Variants in ACOX2 observed in about 807,000 individuals in gnomAD.
ACOX2 encodes peroxisomal acyl-coenzyme A oxidase 2.
Under a neutral mutation model 77.5 loss-of-function variants are expected in ACOX2, and 59 were observed. The observed-to-expected ratio is 0.76, with a 90% confidence interval of 0.62 to 0.95. The LOEUF (loss-of-function observed/expected upper bound fraction) is 0.95, where lower values mean the gene tolerates loss of function less well. ACOX2 is among the 40% of genes least tolerant of loss of function. The pLI is 0.00. For missense variants in ACOX2, 837 were observed against 880.4 expected (o/e 0.95, Z 0.62); for synonymous variants, 317 against 340.1 (o/e 0.93, Z 0.75).
Position 58,512,095 on chromosome 3 carries a change from A to T in ACOX2, c.1851-3070T>A, listed in dbSNP as rs2063292276. ...ACCAACATCTGTACTTGGATTTCTGATAGGCTCTTCAAAAGTAATGTATCT... is the reference window on the plus strand; with the variant it reads ...ACCAACATCTGTACTTGGATTTCTGTTAGGCTCTTCAAAAGTAATGTATCT... On this transcript the variant is annotated intron_variant, in intron 13 of 14. Coordinates refer to ENST00000302819, the MANE Select transcript of ACOX2 (RefSeq NM_003500.4). The surrounding 1 kb of genome is among the most constrained non-coding windows in gnomAD (Gnocchi z 4.8). Among the ~76,000 whole-genome samples the T allele has an allele frequency of 6.6e-6, 1 of 152,156 alleles. No homozygotes were observed. The highest frequency in any genetic ancestry group is 2.4e-5 in the African/African-American group (1 of 41,438).
Position 58,528,896 on chromosome 3 carries a change from C to T in ACOX2, c.1053G>A (p.Leu351=), listed in dbSNP as rs143498606. The part of the protein sequence containing the change: ...QTQQQKLFPQ[L]AISYAFHFLA... ...GGAAATGGAAGGCATAACTGATGGC[C>T]AGCTGAGGAAAGAGTTTCTGCTGTT... The change falls in exon 9 of 15, where the codon CTG becomes CTA. Residue 351 remains leucine (L), a synonymous_variant. Transcript: ENST00000302819. This position sits in a 1 kb window ranked among gnomAD's most constrained non-coding sequence, Gnocchi z 5.6. 142 of 1,613,582 alleles carry T rather than the reference C, an allele frequency of 8.8e-5. No homozygotes were observed. In the African/African-American group the frequency reaches 1.7e-3, roughly 19 times the overall value.
intron 13 of ACOX2, among the ~76,000 whole-genome samples, chr3:58,509,403 T>C (rs1248331778): frequency 6.6e-6 from 1 of 151,596 alleles, no homozygotes; most frequent in Admixed American, 6.6e-5. Context: ...GGCACATGCC[T>C]GTAGTCCCAA....
rs1051313244 is a variant in ACOX2 at position 58,519,770 on chromosome 3, C to T, written c.1633-2347G>A. 6.6e-6 allele frequency among the ~76,000 whole-genome samples: 1 copy of T among 152,252 alleles called. No homozygotes were observed. The highest frequency in any genetic ancestry group is 1.5e-5 in the Non-Finnish European group (1 of 68,046). On this transcript the variant is annotated intron_variant, in intron 12 of 14. Transcript: ENST00000302819. This position sits in a 1 kb window ranked among gnomAD's most constrained non-coding sequence, Gnocchi z 5.0. ...CCATTCAGACATGGTGTGCTCACAGCCATGCTGGGCTTGCAGCATTTGGCT... is the reference window on the plus strand; with the variant it reads ...CCATTCAGACATGGTGTGCTCACAGTCATGCTGGGCTTGCAGCATTTGGCT...
In ACOX2 at chr3:58,533,602, C is replaced by T; in HGVS notation, c.476-50G>A. 1 of 1,564,788 alleles carries T rather than the reference C, an allele frequency of 6.4e-7. No individual in the cohort carries two copies. The highest frequency in any genetic ancestry group is 8.8e-7 in the Non-Finnish European group (1 of 1,136,102). On this transcript the variant is annotated intron_variant, in intron 4 of 14. Coordinates refer to ENST00000302819, the MANE Select transcript of ACOX2 (RefSeq NM_003500.4). This position sits in a 1 kb window ranked among gnomAD's most constrained non-coding sequence, Gnocchi z 5.6. ...ACATTGGCCTGAGGTGGGGTTCTTACCTGTGAAGCTGCTTCTAGGTGGGTC... is the reference window on the plus strand; with the variant it reads ...ACATTGGCCTGAGGTGGGGTTCTTATCTGTGAAGCTGCTTCTAGGTGGGTC...
intron 13 of ACOX2, among the ~76,000 whole-genome samples, chr3:58,513,565 T>G (rs1340720107): frequency 6.6e-6 from 1 of 152,174 alleles, no homozygotes; most frequent in Middle Eastern, 3.2e-3. Context: ...GAATATTAGT[T>G]TTAAATAATG....
In ACOX2 at chr3:58,534,289, A is replaced by T; in HGVS notation, c.323+71T>A. 4 of 1,589,078 alleles carry T rather than the reference A, an allele frequency of 2.5e-6. No homozygotes were observed. The Admixed American group carries it at 5.3e-5, about 21-fold the overall frequency. ...TTCCCTTTGTTGGGGGAAATGGCTC[A>T]TGGGGCTAGGGGGTTTCCAGGTGAT... On this transcript the variant is annotated intron_variant, in intron 3 of 14. Transcript: ENST00000302819. This position sits in a 1 kb window ranked among gnomAD's most constrained non-coding sequence, Gnocchi z 4.8.
In ACOX2 at chr3:58,515,233, C is replaced by A. The variant is rs2063314041; in HGVS notation, c.1850+1973G>T. Among the ~76,000 whole-genome samples, 1 of 152,202 alleles carries A rather than the reference C, an allele frequency of 6.6e-6. No homozygotes were observed. Among genetic ancestry groups the A allele is most frequent in the African/African-American group, 2.4e-5 (1 of 41,444 alleles). On this transcript the variant is annotated intron_variant, in intron 13 of 14. Transcript: ENST00000302819. The surrounding 1 kb of genome is among the most constrained non-coding windows in gnomAD (Gnocchi z 4.0). ...ACCGGGTTTCACCATGTTGGCCAGG[C>A]TGGCCTCGAACTCCTGACCTCAGGT...
intron 14 of ACOX2, among the ~76,000 whole-genome samples, chr3:58,506,204 G>A (rs2063232713): frequency 1.3e-5 from 2 of 152,202 alleles, no homozygotes. Flanking sequence ...ATCAGTAGAT[G>A]TATTTAATGC....
chr3:58,513,114 C>T (rs2063299187), intron 13 of ACOX2, among the ~76,000 whole-genome samples: 1 of 152,128 alleles, frequency 6.6e-6, no homozygotes, highest in African/African-American at 2.4e-5. Context: ...AAAATTGTAG[C>T]TCCCCCTCCT....
intron 14 of ACOX2, among the ~76,000 whole-genome samples, chr3:58,506,545 C>T (rs940068548): frequency 2.2e-4 from 33 of 152,214 alleles, no homozygotes; most frequent in Non-Finnish European, 4.0e-4. Context: ...ATAATCCCAG[C>T]ACTTTGGGAG....
Position 58,514,549 on chromosome 3 carries a change from G to A in ACOX2, c.1850+2657C>T, listed in dbSNP as rs1227081534. Among the ~76,000 whole-genome samples, 1 of 152,160 alleles carries A rather than the reference G, an allele frequency of 6.6e-6. No homozygotes were observed. Among genetic ancestry groups the A allele is most frequent in the Non-Finnish European group, 1.5e-5 (1 of 68,034 alleles). ...GGAGATAGTGACTAATCAAGGCAGG[G>A]AACTGTGACACCAAACAGTGATATG... On this transcript the variant is annotated intron_variant, in intron 13 of 14. Transcript: ENST00000302819. This position sits in a 1 kb window ranked among gnomAD's most constrained non-coding sequence, Gnocchi z 4.3.
At position 58,517,285 on chromosome 3, in the gene ACOX2, A is replaced by C; in HGVS notation, c.1771T>G (p.Phe591Val). The C allele has an allele frequency of 6.2e-7, 1 of 1,614,184 alleles. No homozygotes were observed. The change falls in exon 13 of 15, where the codon TTT (phenylalanine) becomes GTT (valine). Residue 591 changes from phenylalanine (F) to valine (V), a missense_variant. Transcript: ENST00000302819. ...IHGILTNSGD[F>V]LHDAFLSGAQ... ...CCAGACAGGAAGGCGTCATGGAGAA[A>C]GTCACCCGAGTTAGTCAAGATTCCA...
In ACOX2 at chr3:58,533,431, G is replaced by A. The variant is rs766321109; in HGVS notation, c.583+14C>T. 6 of 1,608,684 alleles carry A rather than the reference G, an allele frequency of 3.7e-6. No individual in the cohort carries two copies. The South Asian group carries it at 6.6e-5, about 18-fold the overall frequency. On this transcript the variant is annotated intron_variant, in intron 5 of 14. Coordinates refer to ENST00000302819, the MANE Select transcript of ACOX2 (RefSeq NM_003500.4). The surrounding 1 kb of genome is among the most constrained non-coding windows in gnomAD (Gnocchi z 5.6). ...TTGGGGAGAGTTAAGGAAGGGGGGTGGATGTATACTCACAGTCTCCAGGCC... is the reference window on the plus strand; with the variant it reads ...TTGGGGAGAGTTAAGGAAGGGGGGTAGATGTATACTCACAGTCTCCAGGCC...
chr3:58,515,409 T>C lies in ACOX2; in HGVS notation c.1850+1797A>G, dbSNP rs966184034. Among the ~76,000 whole-genome samples the C allele has an allele frequency of 1.3e-5, 2 of 152,226 alleles. No individual in the cohort carries two copies. Among genetic ancestry groups the C allele is most frequent in the Non-Finnish European group, 2.9e-5 (2 of 68,028 alleles). On this transcript the variant is annotated intron_variant, in intron 13 of 14. Transcript: ENST00000302819. The surrounding 1 kb of genome is among the most constrained non-coding windows in gnomAD (Gnocchi z 4.0). ...GTAACATATTGCATATTGTGAGAAA[T>C]AAAAGGAATTTGGTCTAGTTTTTTA...
In ACOX2 at chr3:58,525,429, C is replaced by T. The variant is rs2108002645; in HGVS notation, c.1347-824G>A. Reference sequence around the variant, plus strand: ...AGGCTCTGTCGGCCTCCAGGGCCCACAGACCTAAGAGGGATGAAAAGAAAT... The same window carrying T: ...AGGCTCTGTCGGCCTCCAGGGCCCATAGACCTAAGAGGGATGAAAAGAAAT... On this transcript the variant is annotated intron_variant, in intron 10 of 14. Transcript: ENST00000302819. This position sits in a 1 kb window ranked among gnomAD's most constrained non-coding sequence, Gnocchi z 5.0. Among the ~76,000 whole-genome samples, 3 of 152,334 alleles carry T rather than the reference C, an allele frequency of 2.0e-5. No individual in the cohort carries two copies.
Position 58,526,601 on chromosome 3 carries a change from C to T in ACOX2, c.1211G>A (p.Gly404Glu). The T allele has an allele frequency of 6.2e-7, 1 of 1,614,192 alleles. No individual in the cohort carries two copies. Among genetic ancestry groups the T allele is most frequent in the Non-Finnish European group, 8.5e-7 (1 of 1,180,034 alleles). Residue 404 changes from glycine to glutamate, a missense_variant, in exon 10 of 15, where the codon GGA becomes GAA. By Grantham distance (98) the Gly-to-Glu change is moderately conservative. Transcript: ENST00000302819. This position sits in a 1 kb window ranked among gnomAD's most constrained non-coding sequence, Gnocchi z 4.3. ...KAMMSEFCTQGAEMCRRACGG... is the reference protein window; with the variant it reads ...KAMMSEFCTQEAEMCRRACGG... ...ACAGGCCCTGCGGCACATCTCAGCT[C>T]CCTGGGTGCAGAATTCTGACATCAT...
chr3:58,536,928 T>C (rs916004126), intron 1 of ACOX2, among the ~76,000 whole-genome samples, 191 bp downstream of exon 1: 1 of 152,236 alleles, frequency 6.6e-6, no homozygotes, highest in Non-Finnish European at 1.5e-5. Context: ...ACACAGAAAC[T>C]GCAAGAGGGC....
At chr3:58,536,812 C>G (rs1482604593) in intron 1 of ACOX2, among the ~76,000 whole-genome samples, 2 of 152,190 alleles carry the variant, frequency 1.3e-5, no homozygotes, top group African/African-American at 4.8e-5. Flanking sequence ...ATTCCCTGTC[C>G]TCCTCACTCT....
In ACOX2 at chr3:58,512,372, C is replaced by T. The variant is rs962760011; in HGVS notation, c.1851-3347G>A. Reference sequence around the variant, plus strand: ...TCACTCACTTGGATGATTGCATTAGCGATCCAGCTGATCTCCCTGCTTTTC... The same window carrying T: ...TCACTCACTTGGATGATTGCATTAGTGATCCAGCTGATCTCCCTGCTTTTC... On this transcript the variant is annotated intron_variant, in intron 13 of 14. Transcript: ENST00000302819. This position sits in a 1 kb window ranked among gnomAD's most constrained non-coding sequence, Gnocchi z 4.8. Among the ~76,000 whole-genome samples, 5 of 152,204 alleles carry T rather than the reference C, an allele frequency of 3.3e-5. No homozygotes were observed. Among genetic ancestry groups the T allele is most frequent in the Admixed American group, 1.3e-4 (2 of 15,278 alleles).
Sources: allele counts gnomAD v4.1 joint callset (sites outside exome capture counted in the v4.1 genomes callset), GRCh38; gene constraint gnomAD v4.1.1; non-coding constraint Gnocchi (gnomAD v3.1); transcripts MANE v1.5; gene names NCBI Gene and HGNC (gene_info 2026-07-23, HGNC 2026-07-21).